Variants in SLFN12L observed in about 807,000 individuals in gnomAD.
SLFN12L encodes schlafen family member 12 like, also known as schlafen family member 12-like.
Under a neutral mutation model 34.8 loss-of-function variants are expected in SLFN12L, and 34 were observed. That is an observed-to-expected ratio of 0.98 (90% CI 0.74 to 1.30). The LOEUF (loss-of-function observed/expected upper bound fraction) is 1.30, where lower values mean the gene tolerates loss of function less well. Ranked by LOEUF, SLFN12L falls within the 50% of genes most tolerant of loss-of-function variation. The pLI is 0.00. For synonymous variants in SLFN12L, 259 were observed against 247.5 expected (o/e 1.05, Z -0.44); for missense variants, 703 against 696.2 (o/e 1.01, Z -0.11).
In SLFN12L at chr17:35,522,778, T is replaced by C; in HGVS notation, c.-414A>G. 1 of 1,577,640 alleles carries C rather than the reference T, an allele frequency of 6.3e-7. No homozygotes were observed. The highest frequency in any genetic ancestry group is 1.1e-5 in the South Asian group (1 of 89,646). ...GCCCTGCCAGGGCTGTTCTATGCTA[T>C]CAGCAGAGCATCACAGATGACTCCT... On this transcript the variant is annotated 5_prime_UTR_variant, in exon 2 of 5. An upstream open reading frame in the 5' UTR loses its in-frame stop. Transcript: ENST00000628453.
At chr17:35,525,560 A>G (rs2072325567) in intron 1 of SLFN12L, among the ~76,000 whole-genome samples, 1 of 152,242 alleles carries the variant, frequency 6.6e-6, no homozygotes, top group Non-Finnish European at 1.5e-5. Context: ...AATATTCAAC[A>G]TTCTTAAAGA....
intron 2 of SLFN12L, 41 bp from the exon 3 acceptor site, chr17:35,480,236 G>C: frequency 7.0e-7 from 1 of 1,430,602 alleles, no homozygotes; most frequent in South Asian, 1.4e-5. Flanking sequence ...AAGCCTGAGA[G>C]ACAGCAAATT....
intron 2 of SLFN12L, among the ~76,000 whole-genome samples, chr17:35,505,221 G>T (rs552473608): frequency 1.3e-5 from 2 of 152,194 alleles, no homozygotes; most frequent in East Asian, 3.9e-4. Context: ...AACTCATGTC[G>T]GCCCCAGCCC....
chr17:35,478,134 C>T lies in SLFN12L; in HGVS notation c.1217G>A (p.Ser406Asn). ...PASTSSPVSQ[S>N]YPLREYINFK... Reference sequence around the variant, plus strand: ...GTTAATATATTCACGAAGAGGATAACTCTGGGAGACAGGTGATGATGTACT... The same window carrying T: ...GTTAATATATTCACGAAGAGGATAATTCTGGGAGACAGGTGATGATGTACT... Residue 406 changes from serine to asparagine, a missense_variant, in exon 4 of 5, where the codon AGT becomes AAT. Coordinates refer to ENST00000628453, the MANE Select transcript of SLFN12L (RefSeq NM_001363830.2). The T allele has an allele frequency of 6.5e-7, 1 of 1,545,584 alleles. No homozygotes were observed. The highest frequency in any genetic ancestry group is 8.8e-7 in the Non-Finnish European group (1 of 1,141,982).
At chr17:35,520,513 G>A (rs1052064771) in intron 2 of SLFN12L, among the ~76,000 whole-genome samples, 5 of 152,232 alleles carry the variant, frequency 3.3e-5, no homozygotes, top group Non-Finnish European at 7.3e-5. Flanking sequence ...GGGAGGCCAA[G>A]ACGGATGGAT....
At chr17:35,497,706 G>T (rs1037454957) in intron 2 of SLFN12L, among the ~76,000 whole-genome samples, 1 of 152,162 alleles carries the variant, frequency 6.6e-6, no homozygotes, top group Non-Finnish European at 1.5e-5. Context: ...CATTTTCAAA[G>T]AAAATGTTTA....
At chr17:35,488,036 G>A (rs1195849997) in intron 2 of SLFN12L, among the ~76,000 whole-genome samples, 1 of 152,084 alleles carries the variant, frequency 6.6e-6, no homozygotes, top group African/African-American at 2.4e-5. Flanking sequence ...GTGAAAACCC[G>A]TCTCTACTAA....
At position 35,480,094 on chromosome 17, in the gene SLFN12L, A is replaced by G; in HGVS notation, c.188T>C (p.Val63Ala). 6.2e-7 allele frequency: 1 copy of G among 1,613,732 alleles called. No individual in the cohort carries two copies. The highest frequency in any genetic ancestry group is 8.5e-7 in the Non-Finnish European group (1 of 1,179,964). Reference protein sequence around the residue: ...YAELVLNVGRVTLGENNRKKM... With the variant: ...YAELVLNVGRATLGENNRKKM... ...TTTTCTATTGTTCTCTCCAAGAGTGACTCTTCCCACATTTAGAACCAGCTC... is the reference window on the plus strand; with the variant it reads ...TTTTCTATTGTTCTCTCCAAGAGTGGCTCTTCCCACATTTAGAACCAGCTC... Residue 63 changes from valine (V) to alanine (A), a missense_variant, in exon 3 of 5, where the codon GTC becomes GCC. Transcript: ENST00000628453.
chr17:35,503,150 G>A (rs1320323168), intron 2 of SLFN12L, among the ~76,000 whole-genome samples: 1 of 152,124 alleles, frequency 6.6e-6, no homozygotes, highest in East Asian at 1.9e-4. Flanking sequence ...ATTATAAGGA[G>A]ACATAAGAAT....
At chr17:35,511,490 C>A (rs529941775) in intron 2 of SLFN12L, among the ~76,000 whole-genome samples, 1 of 152,106 alleles carries the variant, frequency 6.6e-6, no homozygotes, top group African/African-American at 2.4e-5. Flanking sequence ...AAAAGCATCA[C>A]TTTGGGAGGC....
chr17:35,528,759 A>G (rs1482770061), intron 1 of SLFN12L, among the ~76,000 whole-genome samples: 2 of 152,252 alleles, frequency 1.3e-5, no homozygotes, highest in East Asian at 1.9e-4. Context: ...AACCTAGGCA[A>G]TAACATCCAG....
Position 35,473,726 on chromosome 17 carries a change from T to C in SLFN12L, c.*1197A>G, listed in dbSNP as rs555600999. 32 of 152,300 alleles carry C rather than the reference T, an allele frequency of 2.1e-4. No homozygotes were observed. Among genetic ancestry groups the C allele is most frequent in the African/African-American group, 7.7e-4 (32 of 41,558 alleles). The allele number at this position is 152,300 out of a possible 1,614,324, so 9.4% of individuals were successfully genotyped here. On this transcript the variant is annotated 3_prime_UTR_variant, in exon 5 of 5. Coordinates refer to ENST00000628453, the MANE Select transcript of SLFN12L (RefSeq NM_001363830.2). ...TTGTTTGGAATAGTTTCAGTAGAAA[T>C]GGTACCAGCTCCTCTTTGTACCTCT...
Position 35,487,908 on chromosome 17 carries a change from G to C in SLFN12L, c.87-7713C>G, listed in dbSNP as rs914466038. 6 of 760,136 alleles carry C rather than the reference G, an allele frequency of 7.9e-6. No individual in the cohort carries two copies. The African/African-American group carries it at 8.6e-5, about 11-fold the overall frequency. The allele number at this position is 760,136 out of a possible 1,614,324, so 47.1% of individuals were successfully genotyped here. The stretch of plus-strand genomic sequence containing the variant: ...TTATCGACTCTGCGCCTTTGGAAAC[G>C]GTGTGTCTGCGAATCCAACGACGGG... On this transcript the variant is annotated intron_variant, in intron 2 of 4. Transcript: ENST00000628453.
At chr17:35,507,814 T>C (rs1189423001) in intron 2 of SLFN12L, among the ~76,000 whole-genome samples, 2 of 152,232 alleles carry the variant, frequency 1.3e-5, no homozygotes, top group African/African-American at 4.8e-5. Context: ...GTGTACTATA[T>C]GAATCACTAT....
At chr17:35,492,880 T>C (rs1914889963) in intron 2 of SLFN12L, among the ~76,000 whole-genome samples, 1 of 152,144 alleles carries the variant, frequency 6.6e-6, no homozygotes, top group South Asian at 2.1e-4. Flanking sequence ...AATTGAAATG[T>C]TATGTGCCTG....
In SLFN12L at chr17:35,474,932, GA is replaced by G; in HGVS notation, c.1829del (p.Phe610SerfsTer2). 6.5e-7 allele frequency: 1 copy of G among 1,544,870 alleles called. No individual in the cohort carries two copies. The highest frequency in any genetic ancestry group is 8.7e-7 in the Non-Finnish European group (1 of 1,144,746). Reference protein sequence around the residue: ...CLFVCWFVCFFLR With the variant: ...CLFVCWFVCFXLR The stretch of plus-strand genomic sequence containing the variant: ...GGTGACAGAGTGAGACTCATCTCAA[GA>G]AAAAACAAACAAACCAACAAACAAA... On this transcript the variant is annotated frameshift_variant, in exon 5 of 5. Coordinates refer to ENST00000628453, the MANE Select transcript of SLFN12L (RefSeq NM_001363830.2). LOFTEE classifies it high-confidence loss of function.
At chr17:35,535,025 A>G (rs1039772279) in intron 1 of SLFN12L, among the ~76,000 whole-genome samples, 1 of 152,156 alleles carries the variant, frequency 6.6e-6, no homozygotes, top group African/African-American at 2.4e-5. Context: ...CTTTACATAC[A>G]TTATCTCATT....
Position 35,468,460 on chromosome 17 carries a change from C to T in SLFN12L, c.*6463G>A, listed in dbSNP as rs986420840. Reference sequence around the variant, plus strand: ...CAGCTTACCGTCAGAGATGAATTTACCCCTGCACCAGACATGGCGTCACCC... The same window carrying T: ...CAGCTTACCGTCAGAGATGAATTTATCCCTGCACCAGACATGGCGTCACCC... On this transcript the variant is annotated 3_prime_UTR_variant, in exon 5 of 5. Coordinates refer to ENST00000628453, the MANE Select transcript of SLFN12L (RefSeq NM_001363830.2). Among the ~76,000 whole-genome samples the T allele has an allele frequency of 6.6e-6, 1 of 152,160 alleles. No homozygotes were observed. Among genetic ancestry groups the T allele is most frequent in the East Asian group, 1.9e-4 (1 of 5,196 alleles).
chr17:35,502,416 GAAAAAA>G (rs1161388791), intron 2 of SLFN12L, among the ~76,000 whole-genome samples: 9 of 25,250 alleles, frequency 3.6e-4, no homozygotes, highest in African/African-American at 5.0e-4. Context: ...GTATCCTAAG[GAAAAAA>G]AAAAAAAAAA....
Sources: allele counts gnomAD v4.1 joint callset (sites outside exome capture counted in the v4.1 genomes callset), GRCh38; gene constraint gnomAD v4.1.1; transcripts MANE v1.5; gene names NCBI Gene and HGNC (gene_info 2026-07-23, HGNC 2026-07-21).